The following ITGBL1 variants were observed in gnomAD, a reference collection of about 807,000 sequenced individuals.
ITGBL1 encodes integrin beta-like protein 1.
Under a neutral mutation model 68.5 loss-of-function variants are expected in ITGBL1, and 51 were observed. That is an observed-to-expected ratio of 0.74 (90% CI 0.59 to 0.94). The LOEUF (loss-of-function observed/expected upper bound fraction) is 0.94. Among genes scored for constraint, ITGBL1 ranks in the 40% least tolerant of loss-of-function variants. The pLI, the probability that ITGBL1 is intolerant of heterozygous loss-of-function variation, is 0.00. For missense variants in ITGBL1, 649 were observed against 647.4 expected, an observed-to-expected ratio of 1.00 and a Z score of -0.03; for synonymous variants, 209 against 227.3, an observed-to-expected ratio of 0.92 and a Z score of 0.72.
At chr13:101,550,161 G>T (rs1272750007) in intron 2 of ITGBL1, among the ~76,000 whole-genome samples, 2 of 152,136 alleles carry the variant, frequency 1.3e-5, no homozygotes, top group East Asian at 3.9e-4. Context: ...TGGGCCTCTT[G>T]TGTTTGCATA....
intron 7 of ITGBL1, among the ~76,000 whole-genome samples, chr13:101,661,777 C>T (rs573692250): frequency 1.4e-4 from 22 of 151,882 alleles, no homozygotes; most frequent in East Asian, 7.7e-4. Context: ...GGAAGATAAA[C>T]GAGAAACTTA....
At chr13:101,642,136 A>G (rs2032402477) in intron 7 of ITGBL1, among the ~76,000 whole-genome samples, 2 of 151,858 alleles carry the variant, frequency 1.3e-5, no homozygotes, top group African/African-American at 4.8e-5. Flanking sequence ...AGGAATCGCC[A>G]CACTGACTTC....
intron 2 of ITGBL1, among the ~76,000 whole-genome samples, chr13:101,538,020 A>C: frequency 6.6e-6 from 1 of 152,088 alleles, no homozygotes; most frequent in East Asian, 1.9e-4. Flanking sequence ...GTCTATGCAC[A>C]CATACATCAT....
chr13:101,503,662 A>C (rs2048979506), intron 2 of ITGBL1, among the ~76,000 whole-genome samples: 1 of 152,244 alleles, frequency 6.6e-6, no homozygotes, highest in African/African-American at 2.4e-5. Context: ...GGAACCACTG[A>C]CAACAGAAAG....
At chr13:101,651,150 T>C (rs943936734) in intron 7 of ITGBL1, among the ~76,000 whole-genome samples, 5 of 152,192 alleles carry the variant, frequency 3.3e-5, no homozygotes, top group Non-Finnish European at 7.3e-5. Flanking sequence ...TATATTCCTT[T>C]AGGTATATAC....
intron 5 of ITGBL1, among the ~76,000 whole-genome samples, chr13:101,581,290 T>G (rs2050453826): frequency 6.6e-6 from 1 of 152,168 alleles, no homozygotes; most frequent in Non-Finnish European, 1.5e-5. Flanking sequence ...TAGTCCCTGT[T>G]CCTCCTGACC....
intron 2 of ITGBL1, among the ~76,000 whole-genome samples, chr13:101,563,414 A>G (rs1019122977): frequency 2.6e-5 from 4 of 151,802 alleles, no homozygotes; most frequent in Admixed American, 6.6e-5. Flanking sequence ...AGACTGATCA[A>G]GAAACATACA....
chr13:101,528,703 C>T (rs193275000), intron 2 of ITGBL1, among the ~76,000 whole-genome samples: 3 of 151,828 alleles, frequency 2.0e-5, no homozygotes, highest in Non-Finnish European at 2.9e-5. Flanking sequence ...CTGTCAAAGT[C>T]GTTAAGTAGT....
intron 7 of ITGBL1, among the ~76,000 whole-genome samples, chr13:101,668,572 C>G (rs2033280381): frequency 6.6e-6 from 1 of 151,828 alleles, no homozygotes; most frequent in East Asian, 1.9e-4. Context: ...CTGATATTCA[C>G]AGGCTTCAAA....
At chr13:101,544,367 G>A (rs574332930) in intron 2 of ITGBL1, among the ~76,000 whole-genome samples, 22 of 152,306 alleles carry the variant, frequency 1.4e-4, no homozygotes, top group African/African-American at 3.8e-4. Flanking sequence ...GCAGAACCGC[G>A]GATATTGGTG....
At chr13:101,632,011 CAAAA>C (rs141962556) in intron 7 of ITGBL1, among the ~76,000 whole-genome samples, 7 of 150,630 alleles carry the variant, frequency 4.6e-5, no homozygotes, top group Admixed American at 4.6e-4. Flanking sequence ...ATACGGTACA[CAAAA>C]AAAAGCAAAA....
At chr13:101,699,028 A>G (rs3783228) in intron 8 of ITGBL1, among the ~76,000 whole-genome samples, 29,331 of 152,184 alleles carry the variant, frequency 0.19, 3,640 homozygotes, top group Admixed American at 0.29. Context: ...GAAGGAGATC[A>G]TGCCGCCTGA....
chr13:101,609,424 C>T (rs2031022245), intron 7 of ITGBL1, among the ~76,000 whole-genome samples: 1 of 151,908 alleles, frequency 6.6e-6, no homozygotes, highest in African/African-American at 2.4e-5. Flanking sequence ...TAGTTAAATC[C>T]AGTATTAAAT....
intron 6 of ITGBL1, among the ~76,000 whole-genome samples, chr13:101,584,936 G>A (rs2050526418): frequency 6.6e-6 from 1 of 151,718 alleles, no homozygotes; most frequent in Non-Finnish European, 1.5e-5. Context: ...AAAAAAAATA[G>A]GCTTGCAGGT....
chr13:101,486,103 C>A (rs1286173899), intron 2 of ITGBL1, among the ~76,000 whole-genome samples: 1 of 144,062 alleles, frequency 6.9e-6, no homozygotes, highest in Non-Finnish European at 1.5e-5. Context: ...TGTCCATCAA[C>A]CAACGAGTGG....
intron 7 of ITGBL1, among the ~76,000 whole-genome samples, chr13:101,603,534 A>G (rs1369883): frequency 0.99 from 151,165 of 151,998 alleles, 75,171 homozygotes; most frequent in Middle Eastern, 1. Flanking sequence ...AACAAAGATT[A>G]AAATTCATAT....
chr13:101,467,291 G>A (rs2048395286), intron 2 of ITGBL1, among the ~76,000 whole-genome samples: 1 of 152,144 alleles, frequency 6.6e-6, no homozygotes, highest in African/African-American at 2.4e-5. Context: ...TGAAGCCTTT[G>A]TCCTTTGGGA....
intron 2 of ITGBL1, among the ~76,000 whole-genome samples, chr13:101,530,794 T>C (rs994825665): frequency 6.6e-6 from 1 of 152,212 alleles, no homozygotes; most frequent in African/African-American, 2.4e-5. Flanking sequence ...AGGTTGGCTA[T>C]TGACCTAAAA....
intron 7 of ITGBL1, among the ~76,000 whole-genome samples, chr13:101,601,108 C>T (rs920611943): frequency 5.3e-5 from 8 of 152,180 alleles, no homozygotes; most frequent in African/African-American, 1.9e-4. Context: ...GCCTCAATTT[C>T]AGAGCCTGTT....
Sources: allele counts gnomAD v4.1 joint callset (sites outside exome capture counted in the v4.1 genomes callset), GRCh38; gene constraint gnomAD v4.1.1; transcripts MANE v1.5; gene names NCBI Gene and HGNC (gene_info 2026-07-23, HGNC 2026-07-21).